The following PLPPR1 variants were observed in gnomAD, a reference collection of about 807,000 sequenced individuals.
PLPPR1 encodes the protein phospholipid phosphatase related 1.
PLPPR1 carries 10 observed loss-of-function variants against 33.1 expected under a neutral mutation model. The ratio of observed to expected loss-of-function variants is 0.30; its 90% CI spans 0.19 to 0.51. The LOEUF (loss-of-function observed/expected upper bound fraction) is 0.51. Ranked by LOEUF, PLPPR1 falls within the 20% of genes least tolerant of loss-of-function variation. The pLI is 0.97. For missense variants in PLPPR1, 304 were observed against 408.1 expected (o/e 0.74, Z 2.20); for synonymous variants, 151 against 151.0 (o/e 1.00, Z 0.00).
intron 2 of PLPPR1, among the ~76,000 whole-genome samples, chr9:101,246,055 AATATAT>A (rs58070017): frequency 0.091 from 7,687 of 84,708 alleles, 591 homozygotes; most frequent in Admixed American, 0.13. Flanking sequence ...ATTGAATATG[AATATAT>A]ATATATATAT....
At position 101,059,942 on chromosome 9, in the gene PLPPR1, A is replaced by G. The variant is rs58516248; in HGVS notation, c.-46+30840A>G. ...AAAATTATCTAAAAATAGAACTACA[A>G]TATTATCCAGGAATCCCACTACTGG... On this transcript the variant is annotated intron_variant, in intron 1 of 7. Transcript: ENST00000374874. Among the ~76,000 whole-genome samples, 60 of 152,168 alleles carry G rather than the reference A, an allele frequency of 3.9e-4. 1 individual carries two copies. The East Asian group carries it at 8.9e-3, about 23-fold the overall frequency.
rs1254982040 is a variant in PLPPR1, at chr9:101,290,222, C to T, written c.385+3986C>T. Among the ~76,000 whole-genome samples the T allele has an allele frequency of 4.6e-5, 7 of 152,048 alleles. No homozygotes were observed. The South Asian group carries it at 6.2e-4, about 14-fold the overall frequency. On this transcript the variant is annotated intron_variant, in intron 4 of 7. Transcript: ENST00000374874. ...AAAAACTTATTTTGAAGAGCTTAACCGTCTTTTTTCTAGCCCCAAAGCTAC... is the reference window on the plus strand; with the variant it reads ...AAAAACTTATTTTGAAGAGCTTAACTGTCTTTTTTCTAGCCCCAAAGCTAC...
intron 2 of PLPPR1, among the ~76,000 whole-genome samples, chr9:101,249,576 T>G (rs992352664): frequency 1.3e-5 from 2 of 152,084 alleles, no homozygotes; most frequent in African/African-American, 4.8e-5. Context: ...ACTATTTTTT[T>G]TCCTCACATT....
intron 2 of PLPPR1, among the ~76,000 whole-genome samples, chr9:101,247,828 C>G (rs1395741720): frequency 5.9e-5 from 9 of 151,970 alleles, no homozygotes. Flanking sequence ...TTAAAGCAGC[C>G]TGATTATTGC....
chr9:101,209,263 C>A (rs575170190), intron 2 of PLPPR1, among the ~76,000 whole-genome samples: 1 of 152,302 alleles, frequency 6.6e-6, no homozygotes, highest in East Asian at 1.9e-4. Context: ...AGTTTCTCCA[C>A]AAAGCTTTCT....
At chr9:101,167,141 G>GGTGTGTGTGTGTGTGTGTGTGT (rs756843224) in intron 1 of PLPPR1, among the ~76,000 whole-genome samples, 3,198 of 39,654 alleles carry the variant, frequency 0.081, 479 homozygotes, top group Non-Finnish European at 0.11. Context: ...TATGTCTCTC[G>GGTGTGTGTGTGTGTGTGTGTGT]GTGTGTGTGT....
chr9:101,283,289 C>G (rs769093052), intron 3 of PLPPR1, among the ~76,000 whole-genome samples: 1 of 152,012 alleles, frequency 6.6e-6, no homozygotes, highest in Non-Finnish European at 1.5e-5. Flanking sequence ...CTATTAGTAA[C>G]CAAAACAACA....
intron 2 of PLPPR1, among the ~76,000 whole-genome samples, chr9:101,229,641 C>T (rs2118814193): frequency 6.6e-6 from 1 of 152,078 alleles, no homozygotes. Context: ...AATAAGGTGT[C>T]CAATTCTAAA....
intron 2 of PLPPR1, among the ~76,000 whole-genome samples, chr9:101,223,348 C>T (rs959509960): frequency 9.6e-5 from 13 of 134,940 alleles, no homozygotes; most frequent in African/African-American, 2.8e-4. Context: ...AAAAAAAAAA[C>T]CTTAATTGGG....
intron 2 of PLPPR1, among the ~76,000 whole-genome samples, chr9:101,208,842 G>A (rs1826634845): frequency 2.6e-5 from 4 of 152,072 alleles, no homozygotes; most frequent in Admixed American, 6.6e-5. Flanking sequence ...ACATCCTTTA[G>A]TGCTTCCCAC....
rs541319954 is a variant in PLPPR1, at chr9:101,044,035, C to T, written c.-46+14933C>T. ...GGTGAGACTTAATTAAACTAAAGAGCTTTTGCATGGCAAAAGGAATAGTCA... is the reference window on the plus strand; with the variant it reads ...GGTGAGACTTAATTAAACTAAAGAGTTTTTGCATGGCAAAAGGAATAGTCA... On this transcript the variant is annotated intron_variant, in intron 1 of 7. Coordinates refer to ENST00000374874, the MANE Select transcript of PLPPR1 (RefSeq NM_207299.2). Among the ~76,000 whole-genome samples the T allele has an allele frequency of 2.0e-3, 297 of 152,248 alleles. 7 individuals carry two copies. The highest frequency in any genetic ancestry group is 2.6e-4 in the Non-Finnish European group (18 of 68,016).
chr9:101,164,997 C>T (rs1178564525), intron 1 of PLPPR1, among the ~76,000 whole-genome samples: 2 of 152,100 alleles, frequency 1.3e-5, no homozygotes, highest in Non-Finnish European at 2.9e-5. Context: ...ACCCCTTCCA[C>T]AGTTCTCCTT....
At chr9:101,073,467 T>C (rs536278328) in intron 1 of PLPPR1, among the ~76,000 whole-genome samples, 1 of 123,080 alleles carries the variant, frequency 8.1e-6, no homozygotes, top group Non-Finnish European at 1.7e-5. Flanking sequence ...GCAACCTAGA[T>C]CATTTAATTT....
chr9:101,270,069 G>T lies in PLPPR1; in HGVS notation c.252+1G>T. 6.2e-7 allele frequency: 1 copy of T among 1,614,058 alleles called. No homozygotes were observed. The highest frequency in any genetic ancestry group is 2.2e-5 in the East Asian group (1 of 44,878). ...GCTGGCTGCCACCCCAACTGCTATTGTAAGTACAGAAATAGACTTTCCTCT... is the reference window on the plus strand; with the variant it reads ...GCTGGCTGCCACCCCAACTGCTATTTTAAGTACAGAAATAGACTTTCCTCT... On this transcript the variant is annotated splice_donor_variant, in intron 3 of 7. Coordinates refer to ENST00000374874, the MANE Select transcript of PLPPR1 (RefSeq NM_207299.2). LOFTEE classifies it high-confidence loss of function.
At chr9:101,268,875 C>T (rs1437497042) in intron 2 of PLPPR1, among the ~76,000 whole-genome samples, 2 of 152,146 alleles carry the variant, frequency 1.3e-5, no homozygotes, top group Admixed American at 6.5e-5. Flanking sequence ...AATGCTCAAT[C>T]TAAGCACATG....
At chr9:101,084,883 C>T (rs1401138194) in intron 1 of PLPPR1, among the ~76,000 whole-genome samples, 1 of 152,126 alleles carries the variant, frequency 6.6e-6, no homozygotes, top group African/African-American at 2.4e-5. Flanking sequence ...AATGCATGTC[C>T]CACCTAAAGG....
intron 4 of PLPPR1, among the ~76,000 whole-genome samples, chr9:101,295,517 A>G (rs897438194): frequency 6.6e-6 from 1 of 152,142 alleles, no homozygotes; most frequent in Non-Finnish European, 1.5e-5. Context: ...CAAAAGAACA[A>G]AGCTGGAGGC....
intron 4 of PLPPR1, among the ~76,000 whole-genome samples, chr9:101,290,513 C>G (rs113681032): frequency 1.3e-5 from 2 of 152,024 alleles, no homozygotes; most frequent in African/African-American, 2.4e-5. Context: ...GATATTTAAC[C>G]CTTTCTGCAT....
At chr9:101,123,896 A>C (rs1014158422) in intron 1 of PLPPR1, among the ~76,000 whole-genome samples, 1 of 152,124 alleles carries the variant, frequency 6.6e-6, no homozygotes, top group African/African-American at 2.4e-5. Context: ...TTGGTGTTCC[A>C]AAGGCCACAA....
Sources: gnomAD v4.1 joint callset for allele counts (sites outside exome capture counted in the v4.1 genomes callset) on GRCh38, gnomAD v4.1.1 for gene constraint, MANE v1.5 for transcripts, NCBI Gene and HGNC (gene_info 2026-07-23, HGNC 2026-07-21) for gene names.